GLUD1: variants seen among roughly 807,000 people sequenced by gnomAD.
GLUD1 encodes glutamate dehydrogenase 1, mitochondrial.
A neutral mutation model predicts 56.0 loss-of-function variants in GLUD1; 22 were observed. The ratio of observed to expected loss-of-function variants is 0.39; its 90% confidence interval spans 0.28 to 0.56. The LOEUF is 0.56. Among genes scored for constraint, GLUD1 ranks in the 20% least tolerant of loss-of-function variants. The probability of loss-of-function intolerance (pLI) is 0.58; values close to 1 mark genes in which losing one functional copy is unlikely to be tolerated. For synonymous variants in GLUD1, 223 were observed against 269.9 expected, an observed-to-expected ratio of 0.83 and a Z score of 1.70; for missense variants, 451 against 732.0, an observed-to-expected ratio of 0.62 and a Z score of 4.43.
intron 12 of GLUD1, among the ~76,000 whole-genome samples, chr10:87,052,879 T>C (rs1055403201): frequency 1.5e-4 from 23 of 152,182 alleles, no homozygotes; most frequent in African/African-American, 5.6e-4. Context: ...CTGCTTATGC[T>C]ATTTCATCAT....
Position 87,074,699 on chromosome 10 carries a change from T to C in GLUD1, c.583-85A>G, listed in dbSNP as rs1395737730. On this transcript the variant is annotated intron_variant, in intron 3 of 12. Coordinates refer to ENST00000277865, the MANE Select transcript of GLUD1 (RefSeq NM_005271.5). ...TAGCTAGCATCTTATTTTCTATTTA[T>C]AGTACATTTTCATATGTCTTCTCAT... The C allele has an allele frequency of 4.9e-6, 4 of 810,270 alleles. No individual in the cohort carries two copies. The African/African-American group carries it at 6.8e-5, about 14-fold the overall frequency. The allele number at this position is 810,270 out of a possible 1,614,324, so 50.2% of individuals were successfully genotyped here.
intron 1 of GLUD1, among the ~76,000 whole-genome samples, chr10:87,081,896 A>C (rs1720047870): frequency 7.0e-6 from 1 of 143,556 alleles, no homozygotes; most frequent in Admixed American, 7.3e-5. Flanking sequence ...CTATTGTCCT[A>C]TGACCCTGCC....
chr10:87,084,286 T>C (rs1841332227), intron 1 of GLUD1, among the ~76,000 whole-genome samples: 2 of 152,274 alleles, frequency 1.3e-5, no homozygotes, highest in South Asian at 4.1e-4. Context: ...TTCCAAAGAA[T>C]ATTAGTGAAA....
At chr10:87,068,539 G>A (rs72809930) in intron 4 of GLUD1, among the ~76,000 whole-genome samples, 146 of 152,268 alleles carry the variant, frequency 9.6e-4, no homozygotes, top group Admixed American at 2.9e-3. Context: ...ATATAAGCAG[G>A]ATTATTATGG....
intron 1 of GLUD1, among the ~76,000 whole-genome samples, chr10:87,079,219 C>CA (rs1241795294): frequency 1.4e-5 from 2 of 144,230 alleles, no homozygotes; most frequent in African/African-American, 5.2e-5. Flanking sequence ...ATAAAGCCCA[C>CA]AGAAAAGGGA....
rs964273482 is a variant in GLUD1 at position 87,050,497 on chromosome 10, G to C, written c.*1254C>G. The C allele has an allele frequency of 6.6e-6, 1 of 151,546 alleles. No homozygotes were observed. The highest frequency in any genetic ancestry group is 6.6e-5 in the Admixed American group (1 of 15,220). 9.4% of individuals were successfully genotyped at this position (151,546 alleles called of 1,614,324 possible). A position where few individuals can be genotyped will look rare whatever the true frequency, so the allele number is the denominator to read the frequency against. ...AAAAGAAACGTAAGTTTTGGAAAAC[G>C]TAGACTTTTAATAACTGCTTTTATC... On this transcript the variant is annotated 3_prime_UTR_variant, in exon 13 of 13. Coordinates refer to ENST00000277865, the MANE Select transcript of GLUD1 (RefSeq NM_005271.5).
chr10:87,068,069 C>T lies in GLUD1; in HGVS notation c.735G>A (p.Gly245=). The part of the protein sequence containing the change: ...WIADTYASTI[G]HYDINAHACV... ...GCTTCCAGTGGGTACTCACATAGTG[C>T]CCTATGGTGCTGGCATAGGTATCAG... Residue 245 remains glycine, a synonymous_variant, in exon 5 of 13, where the codon GGG becomes GGA. Coordinates refer to ENST00000277865, the MANE Select transcript of GLUD1 (RefSeq NM_005271.5). 1 of 1,588,076 alleles carries T rather than the reference C, an allele frequency of 6.3e-7. No homozygotes were observed.
chr10:87,060,220 C>A lies in GLUD1; in HGVS notation c.1219G>T (p.Gly407Trp). ...KAKIIAEGAN[G>W]PTTPEADKIF... is the part of the protein sequence containing the mutation. ...TTGTCAGCTTCTGGAGTTGTTGGCC[C>A]ATTGGCACCTTCAGCAATGATCTGC... The change falls in exon 9 of 13, where the codon GGG becomes TGG. Residue 407 changes from glycine to tryptophan, a missense_variant. Gly to Trp is a radical substitution (Grantham distance 184). Transcript: ENST00000277865. The A allele has an allele frequency of 5.6e-6, 9 of 1,611,354 alleles. No homozygotes were observed. Among genetic ancestry groups the A allele is most frequent in the Non-Finnish European group, 7.6e-6 (9 of 1,177,494 alleles).
chr10:87,062,924 C>A, intron 5 of GLUD1, 89 bp from the exon 6 acceptor site: 1 of 1,212,746 alleles, frequency 8.2e-7, no homozygotes, highest in South Asian at 1.3e-5. Context: ...AGCACATTCT[C>A]ATTTAATCAA....
rs749120493 is a variant in GLUD1, at chr10:87,060,708, C to A, written c.1177G>T (p.Ala393Ser). 2 of 1,614,066 alleles carry A rather than the reference C, an allele frequency of 1.2e-6. No individual in the cohort carries two copies. Among genetic ancestry groups the A allele is most frequent in the Admixed American group, 1.7e-5 (1 of 60,002 alleles). ...GTCACCTTGGCTTTGACTCTGGGTG[C>A]GTTGGATTTGGTCAACTGCTTCTCA... ...ASEKQLTKSN[A>S]PRVKAKIIAE... is the part of the protein sequence containing the mutation. Residue 393 changes from alanine (A) to serine (S), a missense_variant, in exon 8 of 13, where the codon GCA (alanine) becomes TCA (serine). Physicochemically the swap from Ala to Ser is moderately conservative, Grantham distance 99. Coordinates refer to ENST00000277865, the MANE Select transcript of GLUD1 (RefSeq NM_005271.5).
At chr10:87,080,511 G>A (rs1296713722) in intron 1 of GLUD1, among the ~76,000 whole-genome samples, 2 of 151,866 alleles carry the variant, frequency 1.3e-5, no homozygotes, top group African/African-American at 4.8e-5. Context: ...CTTCCCAGCC[G>A]CCATCCCATC....
intron 5 of GLUD1, among the ~76,000 whole-genome samples, chr10:87,063,201 G>C (rs1329571780): frequency 6.6e-6 from 1 of 152,034 alleles, no homozygotes; most frequent in Non-Finnish European, 1.5e-5. Context: ...AGCCTCCTGA[G>C]TAGCTGGTAT....
intron 4 of GLUD1, among the ~76,000 whole-genome samples, chr10:87,072,500 G>A (rs766540023): frequency 2.9e-4 from 44 of 152,296 alleles, no homozygotes; most frequent in African/African-American, 9.6e-4. Context: ...AAGGTTTGCC[G>A]AGGAGTGAGA....
intron 1 of GLUD1, among the ~76,000 whole-genome samples, chr10:87,078,640 A>G (rs1486983037): frequency 6.6e-6 from 1 of 152,190 alleles, no homozygotes; most frequent in Non-Finnish European, 1.5e-5. Flanking sequence ...AAGAAAAGCT[A>G]TGGCCACAAA....
At chr10:87,054,351 C>T (rs964628386) in intron 11 of GLUD1, among the ~76,000 whole-genome samples, 2 of 152,080 alleles carry the variant, frequency 1.3e-5, no homozygotes, top group African/African-American at 2.4e-5. Context: ...GGTTTAGGGA[C>T]GCAGGCCTTC....
rs537962164 is a variant in GLUD1 at position 87,066,209 on chromosome 10, G to A, written c.741+1854C>T. Among the ~76,000 whole-genome samples the A allele has an allele frequency of 5.9e-5, 9 of 151,864 alleles. No homozygotes were observed. In the East Asian group the frequency reaches 9.7e-4, roughly 16 times the overall value. On this transcript the variant is annotated intron_variant, in intron 5 of 12. Transcript: ENST00000277865. ...AGCTGTCTTCTTTCTGCTTCTCTCC[G>A]GTGCCATTTTTCTTAGTTGGAGGCT... is the stretch of plus-strand genomic sequence containing the variant.
intron 1 of GLUD1, among the ~76,000 whole-genome samples, chr10:87,085,329 G>C (rs1841355265): frequency 7.1e-6 from 1 of 141,120 alleles, no homozygotes; most frequent in African/African-American, 2.7e-5. Flanking sequence ...CTGGGCGACA[G>C]AGAGTGAGAC....
chr10:87,078,750 G>A (rs1233918928), intron 1 of GLUD1, among the ~76,000 whole-genome samples: 2 of 152,162 alleles, frequency 1.3e-5, no homozygotes, highest in South Asian at 2.1e-4. Context: ...TGGGGGTGAC[G>A]GGGAGATGAT....
At chr10:87,053,278 G>C (rs950599728) in intron 12 of GLUD1, 64 bp downstream of exon 12, 12 of 1,036,258 alleles carry the variant, frequency 1.2e-5, no homozygotes, top group Non-Finnish European at 1.8e-5. Flanking sequence ...TGGCGGCTGA[G>C]ATAGCATGGT....
Sources: gnomAD v4.1 joint callset for allele counts (sites outside exome capture counted in the v4.1 genomes callset) on GRCh38, gnomAD v4.1.1 for gene constraint, MANE v1.5 for transcripts, NCBI Gene and HGNC (gene_info 2026-07-23, HGNC 2026-07-21) for gene names.